The following ZPBP variants were observed in gnomAD, a reference collection of about 807,000 sequenced individuals.
ZPBP encodes the protein zona pellucida-binding protein 1.
ZPBP carries 26 observed loss-of-function variants against 44.8 expected under a neutral mutation model. The ratio of observed to expected loss-of-function variants is 0.58; its 90% CI spans 0.43 to 0.81. ZPBP has a LOEUF of 0.81. ZPBP is among the 30% of genes least tolerant of loss of function. The probability of loss-of-function intolerance (pLI) is 0.00; values close to 1 mark genes in which losing one functional copy is unlikely to be tolerated. For synonymous variants in ZPBP, 174 were observed against 153.2 expected (o/e 1.14, Z -1.00); for missense variants, 409 against 434.0 (o/e 0.94, Z 0.51).
the ZPBP span, among the ~76,000 whole-genome samples, chr7:49,841,293 A>C: frequency 6.7e-6 from 1 of 148,626 alleles, no homozygotes. Flanking sequence ...AAACAGCCTA[A>C]GATGTTTACA....
chr7:50,089,777 G>A, intron 1 of ZPBP, 68 bp from the exon 2 acceptor site: 4 of 1,221,450 alleles, frequency 3.3e-6, no homozygotes, highest in Non-Finnish European at 4.7e-6. Context: ...TACTATTACA[G>A]TATCTTTGGT....
At chr7:49,971,910 T>TA in intron 7 of ZPBP, among the ~76,000 whole-genome samples, 1 of 152,194 alleles carries the variant, frequency 6.6e-6, no homozygotes, top group South Asian at 2.1e-4. Flanking sequence ...AAGAAGGTGT[T>TA]ATTTTCAGAA....
At chr7:49,952,101 G>A (rs35020917) in intron 7 of ZPBP, among the ~76,000 whole-genome samples, 5,100 of 151,830 alleles carry the variant, frequency 0.034, 119 homozygotes, top group Non-Finnish European at 0.051. Flanking sequence ...ATAAGTACGG[G>A]GTTTCCTTTT....
At chr7:49,996,140 ATT>A (rs1332860949) in intron 6 of ZPBP, among the ~76,000 whole-genome samples, 11 of 152,170 alleles carry the variant, frequency 7.2e-5, no homozygotes, top group Non-Finnish European at 1.5e-5. Context: ...ATGTACAAAT[ATT>A]ATGCATTAAA....
chr7:49,945,938 T>C (rs1286292090), intron 7 of ZPBP, among the ~76,000 whole-genome samples: 2 of 152,114 alleles, frequency 1.3e-5, no homozygotes, highest in Admixed American at 6.6e-5. Context: ...TTCCTTTTAG[T>C]GAAGGTGATT....
At chr7:49,940,058 C>A (rs928241450) in intron 7 of ZPBP, among the ~76,000 whole-genome samples, 2 of 152,126 alleles carry the variant, frequency 1.3e-5, no homozygotes, top group Non-Finnish European at 2.9e-5. Context: ...CAACAGGAAC[C>A]GAACAAGTTT....
chr7:50,055,834 A>G (rs1398920605), intron 4 of ZPBP, among the ~76,000 whole-genome samples: 3 of 152,196 alleles, frequency 2.0e-5, no homozygotes, highest in Non-Finnish European at 4.4e-5. Flanking sequence ...ATTTGTTAGC[A>G]TATGTGAATA....
chr7:49,978,052 T>C (rs557995326), intron 7 of ZPBP, among the ~76,000 whole-genome samples: 21 of 149,736 alleles, frequency 1.4e-4, no homozygotes, highest in African/African-American at 4.9e-4. Flanking sequence ...TGCTACTTGA[T>C]CTACAAGTTT....
intron 7 of ZPBP, 45 bp from the exon 8 acceptor site, chr7:49,937,667 C>CATAATATAAAT: frequency 6.9e-7 from 1 of 1,440,766 alleles, no homozygotes. Context: ...TCCTAATACA[C>CATAATATAAAT]ATAATATAAA....
chr7:50,061,805 A>C (rs1801252159), intron 3 of ZPBP, among the ~76,000 whole-genome samples: 1 of 152,194 alleles, frequency 6.6e-6, no homozygotes, highest in African/African-American at 2.4e-5. Context: ...GAGGCATGAG[A>C]ATCGCTCGAA....
intron 4 of ZPBP, among the ~76,000 whole-genome samples, chr7:50,049,693 C>T (rs573334838): frequency 6.6e-6 from 1 of 151,890 alleles, no homozygotes; most frequent in African/African-American, 2.4e-5. Context: ...ACAAGAAACC[C>T]ACAGCTAACA....
intron 7 of ZPBP, chr7:49,943,570 G>A (rs1794977309): frequency 2.4e-5 from 9 of 376,764 alleles, no homozygotes; most frequent in Admixed American, 1.3e-4. Context: ...TTTGCGAAAG[G>A]GGTCAGTAAG....
chr7:49,947,646 A>G (rs1209547146), intron 7 of ZPBP, among the ~76,000 whole-genome samples: 1 of 152,234 alleles, frequency 6.6e-6, no homozygotes, highest in Non-Finnish European at 1.5e-5. Flanking sequence ...CTGTGACTGC[A>G]CTGGGTCAGA....
intron 2 of ZPBP, among the ~76,000 whole-genome samples, chr7:49,898,108 C>CAT (rs757252224): frequency 5.3e-5 from 8 of 151,576 alleles, no homozygotes; most frequent in Non-Finnish European, 1.2e-4. Context: ...GTATGCTTTA[C>CAT]ATATATGTGT....
chr7:49,960,166 T>TCC (rs1795798362), intron 7 of ZPBP, among the ~76,000 whole-genome samples: 2 of 152,088 alleles, frequency 1.3e-5, no homozygotes, highest in Non-Finnish European at 2.9e-5. Context: ...AGGCCTGTAA[T>TCC]CCCAGCACTT....
At chr7:49,931,941 GTCA>G (rs1487654855) in intron 1 of ZPBP, among the ~76,000 whole-genome samples, 2 of 152,226 alleles carry the variant, frequency 1.3e-5, no homozygotes, top group Admixed American at 1.3e-4. Flanking sequence ...TACACCTCAG[GTCA>G]CTGCTTCAGA....
chr7:49,899,311 A>G (rs547307003), intron 2 of ZPBP, among the ~76,000 whole-genome samples: 16 of 152,172 alleles, frequency 1.1e-4, no homozygotes, highest in Middle Eastern at 3.4e-3. Context: ...AATGTTCATC[A>G]TGCTATTTAG....
At chr7:49,951,112 G>A (rs191462236) in intron 7 of ZPBP, among the ~76,000 whole-genome samples, 8 of 151,814 alleles carry the variant, frequency 5.3e-5, no homozygotes, top group Admixed American at 5.3e-4. Context: ...ATGCATTGAT[G>A]ACCACTTTGA....
At chr7:49,931,092 C>T (rs1445774756) in intron 1 of ZPBP, among the ~76,000 whole-genome samples, 25 of 152,182 alleles carry the variant, frequency 1.6e-4, no homozygotes, top group Admixed American at 1.6e-3. Flanking sequence ...TCCTCATTTG[C>T]CTTCTGTCAT....
Sources: gnomAD v4.1 joint callset for allele counts (sites outside exome capture counted in the v4.1 genomes callset) on GRCh38, gnomAD v4.1.1 for gene constraint, MANE v1.5 for transcripts, NCBI Gene and HGNC (gene_info 2026-07-23, HGNC 2026-07-21) for gene names.